Variants in CCDC61 observed in about 807,000 individuals in gnomAD.
CCDC61 encodes centrosomal protein CCDC61.
Under a neutral mutation model 63.0 loss-of-function variants are expected in CCDC61, and 55 were observed. That is an observed-to-expected ratio of 0.87 (90% CI 0.70 to 1.09). The LOEUF is 1.09. Among genes scored for constraint, CCDC61 ranks in the 50% least tolerant of loss-of-function variants. CCDC61 has a pLI of 0.00. For synonymous variants in CCDC61, 270 were observed against 317.0 expected (o/e 0.85, Z 1.58); for missense variants, 651 against 731.4 (o/e 0.89, Z 1.27).
Position 46,015,333 on chromosome 19 carries a change from C to T in CCDC61, c.763-12C>T. 1 of 1,597,568 alleles carries T rather than the reference C, an allele frequency of 6.3e-7. No individual in the cohort carries two copies. Among genetic ancestry groups the T allele is most frequent in the Non-Finnish European group, 8.5e-7 (1 of 1,177,576 alleles). On this transcript the variant is annotated splice_polypyrimidine_tract_variant and intron_variant, in intron 6 of 13. Coordinates refer to ENST00000595358, the MANE Select transcript of CCDC61 (RefSeq NM_001267723.2). The surrounding 1 kb of genome is among the most constrained non-coding windows in gnomAD (Gnocchi z 5.3). Reference sequence around the variant, plus strand: ...CAGCCTGGACCTCCGCGCCCCTCTCCCCTCCCGGCAGCTCGAGGAGGCGAA... The same window carrying T: ...CAGCCTGGACCTCCGCGCCCCTCTCTCCTCCCGGCAGCTCGAGGAGGCGAA...
intron 5 of CCDC61, among the ~76,000 whole-genome samples, chr19:46,013,766 T>C (rs1968872537): frequency 6.6e-6 from 1 of 150,840 alleles, no homozygotes; most frequent in Non-Finnish European, 1.5e-5. Context: ...ACTTGGGGGC[T>C]GAGGCAGGAG....
At position 46,018,481 on chromosome 19, in the gene CCDC61, C is replaced by A. The variant is rs1968999592; in HGVS notation, c.*94C>A. On this transcript the variant is annotated 3_prime_UTR_variant, in exon 14 of 14. Transcript: ENST00000595358. This position sits in a 1 kb window ranked among gnomAD's most constrained non-coding sequence, Gnocchi z 4.2. ...GGGTGGCCTCCAGCCCTGCCCAGTC[C>A]CTGCCCTGGCCCCGTCCCTCCTGCT... is the stretch of plus-strand genomic sequence containing the variant. 11 of 967,484 alleles carry A rather than the reference C, an allele frequency of 1.1e-5. No homozygotes were observed. The highest frequency in any genetic ancestry group is 1.7e-5 in the Non-Finnish European group (11 of 639,476). The allele number at this position is 967,484 out of a possible 1,614,324, so 59.9% of individuals were successfully genotyped here.
chr19:46,014,895 G>A (rs560865860), intron 5 of CCDC61, among the ~76,000 whole-genome samples, 154 bp from the exon 6 acceptor site: 2 of 152,318 alleles, frequency 1.3e-5, no homozygotes, highest in East Asian at 3.9e-4. Context: ...CAGGGGATAT[G>A]ATAGGACCCT....
chr19:45,997,371 C>A (rs974230757), intron 1 of CCDC61, among the ~76,000 whole-genome samples: 3 of 152,154 alleles, frequency 2.0e-5, no homozygotes, highest in African/African-American at 7.2e-5. Flanking sequence ...TTCTTCATAA[C>A]ACCACTACCT....
At chr19:46,007,181 T>C (rs2146468319) in intron 4 of CCDC61, among the ~76,000 whole-genome samples, 1 of 152,148 alleles carries the variant, frequency 6.6e-6, no homozygotes, top group East Asian at 1.9e-4. Context: ...CCAGAGTAGC[T>C]GGGACTACAG....
chr19:46,015,420 A>C lies in CCDC61; in HGVS notation c.838A>C (p.Lys280Gln), dbSNP rs765722034. The C allele has an allele frequency of 3.8e-6, 6 of 1,598,952 alleles. No homozygotes were observed. The highest frequency in any genetic ancestry group is 3.4e-6 in the Non-Finnish European group (4 of 1,177,088). ...KTLTSELALYKRGRRTPPVQP... is the reference protein window; with the variant it reads ...KTLTSELALYQRGRRTPPVQP... Reference sequence around the variant, plus strand: ...GCTGACCAGCGAGCTGGCATTGTACAAGAGGGGGTGAGAGCGAGGCCTGCC... The same window carrying C: ...GCTGACCAGCGAGCTGGCATTGTACCAGAGGGGGTGAGAGCGAGGCCTGCC... Residue 280 changes from lysine (K) to glutamine (Q), a missense_variant, in exon 7 of 14, where the codon AAG becomes CAG. By Grantham distance (53) the Lys-to-Gln change is moderately conservative. Coordinates refer to ENST00000595358, the MANE Select transcript of CCDC61 (RefSeq NM_001267723.2). This position sits in a 1 kb window ranked among gnomAD's most constrained non-coding sequence, Gnocchi z 5.3.
chr19:46,015,985 C>A lies in CCDC61; in HGVS notation c.846-69C>A. On this transcript the variant is annotated intron_variant, in intron 7 of 13. Coordinates refer to ENST00000595358, the MANE Select transcript of CCDC61 (RefSeq NM_001267723.2). This position sits in a 1 kb window ranked among gnomAD's most constrained non-coding sequence, Gnocchi z 5.3. ...CCTGAGGGTTCGGAGAAGGTGCGGTCGGGGAGGAGTCTCGCGATTGAGTTT... is the reference window on the plus strand; with the variant it reads ...CCTGAGGGTTCGGAGAAGGTGCGGTAGGGGAGGAGTCTCGCGATTGAGTTT... 8.3e-7 allele frequency: 1 copy of A among 1,205,058 alleles called. No individual in the cohort carries two copies. The highest frequency in any genetic ancestry group is 4.2e-5 in the South Asian group (1 of 23,562). The allele number at this position is 1,205,058 out of a possible 1,614,324, so 74.6% of individuals were successfully genotyped here. A position where few individuals can be genotyped will look rare whatever the true frequency, so the allele number is the denominator to read the frequency against.
At chr19:46,006,508 C>G in intron 3 of CCDC61, 51 bp from the exon 4 acceptor site, 1 of 1,468,818 alleles carries the variant, frequency 6.8e-7, no homozygotes. Flanking sequence ...AGGTGCCCTC[C>G]GTGTGGCAGT....
At chr19:46,000,799 C>G (rs1968575823) in intron 1 of CCDC61, among the ~76,000 whole-genome samples, 1 of 145,246 alleles carries the variant, frequency 6.9e-6, no homozygotes, top group African/African-American at 2.6e-5. Context: ...TTCGGTGGCT[C>G]AGTGTCTGGG....
Position 46,015,245 on chromosome 19 carries a change from C to G in CCDC61, c.748C>G (p.Arg250Gly). The G allele has an allele frequency of 7.1e-7, 1 of 1,410,746 alleles. No homozygotes were observed. Among genetic ancestry groups the G allele is most frequent in the Non-Finnish European group, 9.2e-7 (1 of 1,088,596 alleles). The allele number at this position is 1,410,746 out of a possible 1,614,324, so 87.4% of individuals were successfully genotyped here. A position where few individuals can be genotyped will look rare whatever the true frequency, so the allele number is the denominator to read the frequency against. ...CGGCCGTCGCGGCCAGGACTGCCGCCGTCTGGCCAAGGAGGTGAGCAGCGG... is the reference window on the plus strand; with the variant it reads ...CGGCCGTCGCGGCCAGGACTGCCGCGGTCTGGCCAAGGAGGTGAGCAGCGG... ...VAGRRGQDCR[R>G]LAKELEEAKA... The change falls in exon 6 of 14, where the codon CGT (arginine) becomes GGT (glycine). Residue 250 changes from arginine (R) to glycine (G), a missense_variant. By Grantham distance (125) the Arg-to-Gly change is moderately radical. Coordinates refer to ENST00000595358, the MANE Select transcript of CCDC61 (RefSeq NM_001267723.2). This position sits in a 1 kb window ranked among gnomAD's most constrained non-coding sequence, Gnocchi z 5.3.
intron 12 of CCDC61, 56 bp downstream of exon 12, chr19:46,017,360 A>G: frequency 6.7e-7 from 1 of 1,489,730 alleles, no homozygotes; most frequent in Non-Finnish European, 9.1e-7. Context: ...ATTTCCTGTG[A>G]TTCCTTCCTG....
Position 46,016,969 on chromosome 19 carries a change from C to T in CCDC61, c.1232-22C>T, listed in dbSNP as rs111751953. ...GGCGGGGCCAGCGAGGGCCAGCGGTCACGCCCTCCGTCTCCCTCTAGTGGA... is the reference window on the plus strand; with the variant it reads ...GGCGGGGCCAGCGAGGGCCAGCGGTTACGCCCTCCGTCTCCCTCTAGTGGA... On this transcript the variant is annotated intron_variant, in intron 10 of 13. Transcript: ENST00000595358. The surrounding 1 kb of genome is among the most constrained non-coding windows in gnomAD (Gnocchi z 7.2). The T allele has an allele frequency of 6.6e-3, 10,634 of 1,601,630 alleles. 589 individuals are homozygous for T. The African/African-American group carries it at 0.12, about 18-fold the overall frequency.
At chr19:46,000,105 C>A (rs1968562937) in intron 1 of CCDC61, 1 of 970,790 alleles carries the variant, frequency 1.0e-6, no homozygotes, top group African/African-American at 1.8e-5. Flanking sequence ...GCTCAGGGTC[C>A]GGGGAATCCT....
At chr19:46,003,820 C>CATGT (rs1019854220) in intron 3 of CCDC61, among the ~76,000 whole-genome samples, 3 of 143,906 alleles carry the variant, frequency 2.1e-5, no homozygotes, top group African/African-American at 5.1e-5. Flanking sequence ...TTTCCAAATA[C>CATGT]GTGTGTGTGT....
rs1233703848 is a variant in CCDC61 at position 46,003,131 on chromosome 19, C to T, written c.113C>T (p.Thr38Met). 8 of 1,613,228 alleles carry T rather than the reference C, an allele frequency of 5.0e-6. No homozygotes were observed. Among genetic ancestry groups the T allele is most frequent in the East Asian group, 4.5e-5 (2 of 44,864 alleles). Residue 38 changes from threonine (T) to methionine (M), a missense_variant, in exon 2 of 14, where the codon ACG (threonine) becomes ATG (methionine). Coordinates refer to ENST00000595358, the MANE Select transcript of CCDC61 (RefSeq NM_001267723.2). ...GAGCTGGAGGTGGAGGACCGGATGA[C>T]GGCTGACCAGTGGCGGGGCGAGTTC... is the stretch of plus-strand genomic sequence containing the variant. ...VLELEVEDRM[T>M]ADQWRGEFDA...
At position 46,002,991 on chromosome 19, in the gene CCDC61, C is replaced by G. The variant is rs1373844565; in HGVS notation, c.-11-17C>G. 3.2e-6 allele frequency: 5 copies of G among 1,551,938 alleles called. No homozygotes were observed. The highest frequency in any genetic ancestry group is 4.4e-6 in the Non-Finnish European group (5 of 1,147,090). On this transcript the variant is annotated splice_polypyrimidine_tract_variant and intron_variant, in intron 1 of 13. Coordinates refer to ENST00000595358, the MANE Select transcript of CCDC61 (RefSeq NM_001267723.2). ...GCTCTGAGCTCCTCTAGGTTTCTCT[C>G]TCATCTCCTTCTCCAGCAACCTTGG... is the stretch of plus-strand genomic sequence containing the variant.
intron 4 of CCDC61, among the ~76,000 whole-genome samples, chr19:46,007,598 TA>T (rs1175301035): frequency 6.6e-6 from 1 of 152,262 alleles, no homozygotes; most frequent in Admixed American, 6.5e-5. Flanking sequence ...CTAGCCTTTA[TA>T]GGGGGAGGGT....
chr19:46,011,260 G>A (rs1184397563), intron 5 of CCDC61, among the ~76,000 whole-genome samples: 1 of 152,002 alleles, frequency 6.6e-6, no homozygotes, highest in African/African-American at 2.4e-5. Context: ...GTGTTGCCCA[G>A]GCTGATCTTG....
chr19:46,009,451 T>G (rs1292501532), intron 5 of CCDC61, among the ~76,000 whole-genome samples: 3 of 152,186 alleles, frequency 2.0e-5, no homozygotes, highest in Non-Finnish European at 4.4e-5. Context: ...TTAAATTCAT[T>G]TTATCCTCAC....
Sources: allele counts gnomAD v4.1 joint callset (sites outside exome capture counted in the v4.1 genomes callset), GRCh38; gene constraint gnomAD v4.1.1; non-coding constraint Gnocchi (gnomAD v3.1); transcripts MANE v1.5; gene names NCBI Gene and HGNC (gene_info 2026-07-23, HGNC 2026-07-21).